The following KIF2A variants were observed in gnomAD, a reference collection of about 807,000 sequenced individuals.
KIF2A encodes the protein kinesin family member 2A.
In KIF2A, 22 loss-of-function variants were observed where a neutral mutation model predicts 100.2. The observed-to-expected ratio is 0.22, with a 90% CI of 0.16 to 0.31. The LOEUF is 0.31. Ranked by LOEUF, KIF2A falls within the 10% of genes least tolerant of loss-of-function variation. The pLI is 1.00. For synonymous variants in KIF2A, 268 were observed against 285.9 expected (o/e 0.94, Z 0.63); for missense variants, 495 against 898.7 (o/e 0.55, Z 5.74).
chr5:62,362,031 C>G (rs893762023), intron 11 of KIF2A, among the ~76,000 whole-genome samples: 20 of 120,914 alleles, frequency 1.7e-4, no homozygotes, highest in African/African-American at 5.8e-4. Context: ...GACCCCATCT[C>G]AAAAAAAAAA....
intron 3 of KIF2A, among the ~76,000 whole-genome samples, chr5:62,349,431 AG>A (rs1480878425): frequency 6.6e-6 from 1 of 152,068 alleles, no homozygotes; most frequent in African/African-American, 2.4e-5. Context: ...TCCTTTTAAT[AG>A]TACTCATCTG....
chr5:62,353,182 A>ATG, intron 5 of KIF2A, 93 bp from the exon 6 acceptor site: 3 of 605,052 alleles, frequency 5.0e-6, no homozygotes, highest in Non-Finnish European at 8.5e-6. Flanking sequence ...TGTACCTTTT[A>ATG]TGTGTGTGTG....
chr5:62,339,364 C>G (rs1747152741), intron 1 of KIF2A, among the ~76,000 whole-genome samples: 1 of 151,710 alleles, frequency 6.6e-6, no homozygotes, highest in Non-Finnish European at 1.5e-5. Context: ...GTCACCTCCA[C>G]CATCCAATCA....
At position 62,306,492 on chromosome 5, in the gene KIF2A, G is replaced by A. The variant is rs1208355269; in HGVS notation, c.20G>A (p.Gly7Asp). The A allele has an allele frequency of 6.5e-7, 1 of 1,546,220 alleles. No individual in the cohort carries two copies. Among genetic ancestry groups the A allele is most frequent in the Non-Finnish European group, 8.7e-7 (1 of 1,145,088 alleles). ...GAGGTGATGGCAACGGCCAACTTCG[G>A]CAAGATCCAGATCGGGATTTACGTG... MATANF[G>D]KIQIGIYVEI... Residue 7 changes from glycine (G) to aspartate (D), a missense_variant, in exon 1 of 21, where the codon GGC becomes GAC. Around this residue, in one of 10 missense-constraint regions of KIF2A, gnomAD observed 26 missense variants for 16.4 expected, o/e 1.59. Coordinates refer to ENST00000407818, the MANE Select transcript of KIF2A (RefSeq NM_001098511.3).
At chr5:62,384,621 T>C (rs152189) in intron 20 of KIF2A, among the ~76,000 whole-genome samples, 37,472 of 152,128 alleles carry the variant, frequency 0.25, 4,697 homozygotes, top group Middle Eastern at 0.3. Context: ...GCCACTGTTA[T>C]TGAAAGATAG....
intron 1 of KIF2A, among the ~76,000 whole-genome samples, chr5:62,341,745 A>G (rs1172876962): frequency 2.0e-5 from 3 of 152,138 alleles, no homozygotes; most frequent in African/African-American, 7.2e-5. Flanking sequence ...GTTATGGTAC[A>G]TTAAGTCACT....
intron 7 of KIF2A, among the ~76,000 whole-genome samples, chr5:62,355,557 C>A (rs1342668772): frequency 2.0e-5 from 3 of 152,196 alleles, no homozygotes; most frequent in Non-Finnish European, 4.4e-5. Flanking sequence ...TCCTTTCTGA[C>A]TGTGAGTTAT....
rs1268163312 is a variant in KIF2A at position 62,390,920 on chromosome 5, A to C, written c.*5351A>C. ...CCATGGAACGGGCCCGTTTGTCACT[A>C]AAACCTGTGCTGGTTAGGATTTGCT... is the stretch of plus-strand genomic sequence containing the variant. On this transcript the variant is annotated 3_prime_UTR_variant, in exon 21 of 21. Coordinates refer to ENST00000407818, the MANE Select transcript of KIF2A (RefSeq NM_001098511.3). 1.9e-6 allele frequency: 3 copies of C among 1,612,336 alleles called. No individual in the cohort carries two copies. In the Admixed American group the frequency reaches 5.0e-5, roughly 27 times the overall value.
chr5:62,308,351 A>G (rs919187453), intron 1 of KIF2A: 28 of 1,466,246 alleles, frequency 1.9e-5, no homozygotes, highest in East Asian at 2.5e-5. Flanking sequence ...TAGGATTTAC[A>G]TATTATTTTG....
chr5:62,359,328 C>T (rs1404595897), intron 9 of KIF2A, among the ~76,000 whole-genome samples: 1 of 152,010 alleles, frequency 6.6e-6, no homozygotes, highest in Non-Finnish European at 1.5e-5. Flanking sequence ...TCTGATTGCC[C>T]TTTTTCATAA....
intron 1 of KIF2A, among the ~76,000 whole-genome samples, chr5:62,319,374 C>T (rs1221267948): frequency 6.6e-6 from 1 of 152,166 alleles, no homozygotes; most frequent in Non-Finnish European, 1.5e-5. Flanking sequence ...CCTCTTCAGT[C>T]TTATTCTTGC....
intron 18 of KIF2A, among the ~76,000 whole-genome samples, chr5:62,376,158 G>A (rs1245268113): frequency 6.6e-6 from 1 of 152,058 alleles, no homozygotes; most frequent in East Asian, 1.9e-4. Context: ...CCTTAATTTG[G>A]AGAGGTTAGA....
At chr5:62,356,183 C>T (rs1748097059) in intron 7 of KIF2A, among the ~76,000 whole-genome samples, 1 of 152,170 alleles carries the variant, frequency 6.6e-6, no homozygotes, top group Non-Finnish European at 1.5e-5. Context: ...ACAAAAAAGA[C>T]ATTTGTGTTA....
chr5:62,376,406 TTTTG>T (rs4024077), intron 18 of KIF2A, among the ~76,000 whole-genome samples: 37,135 of 151,404 alleles, frequency 0.25, 4,584 homozygotes, highest in Middle Eastern at 0.32. Flanking sequence ...GAGAAGTTTT[TTTTG>T]TTTGTTTGTT....
At chr5:62,347,714 C>T (rs1182242953) in intron 2 of KIF2A, among the ~76,000 whole-genome samples, 1 of 151,970 alleles carries the variant, frequency 6.6e-6, no homozygotes. Flanking sequence ...CAGCCTTGAC[C>T]TCCTGGGCTC....
chr5:62,373,176 T>C (rs1354421817), intron 17 of KIF2A, among the ~76,000 whole-genome samples: 2 of 152,104 alleles, frequency 1.3e-5, no homozygotes, highest in Non-Finnish European at 2.9e-5. Context: ...ATAATCTTTA[T>C]ACATTATAAA....
chr5:62,324,300 G>A (rs1746253321), intron 1 of KIF2A, among the ~76,000 whole-genome samples: 1 of 152,156 alleles, frequency 6.6e-6, no homozygotes, highest in Non-Finnish European at 1.5e-5. Context: ...GCAATTTACA[G>A]ATTCAATGCT....
chr5:62,352,849 T>G (rs1185858254), intron 5 of KIF2A, 139 bp downstream of exon 5: 6 of 666,146 alleles, frequency 9.0e-6, no homozygotes, highest in Non-Finnish European at 1.4e-5. Flanking sequence ...TGTGGAAAAT[T>G]TAACTTCTTC....
intron 17 of KIF2A, among the ~76,000 whole-genome samples, chr5:62,373,057 G>GAA (rs541009402): frequency 7.3e-6 from 1 of 136,774 alleles, no homozygotes. Context: ...GCCAAGTGGT[G>GAA]AAAAAAAAAA....
Sources: allele counts gnomAD v4.1 joint callset (sites outside exome capture counted in the v4.1 genomes callset), GRCh38; gene constraint gnomAD v4.1.1; regional missense constraint gnomAD v4.1.1; transcripts MANE v1.5; gene names NCBI Gene and HGNC (gene_info 2026-07-23, HGNC 2026-07-21).